Variants in HAPLN3 observed in about 807,000 individuals in gnomAD.
The protein encoded by HAPLN3 is hyaluronan and proteoglycan link protein 3.
A neutral mutation model predicts 28.1 loss-of-function variants in HAPLN3; 28 were observed. That is an observed-to-expected ratio of 1.00 (90% CI 0.74 to 1.37). HAPLN3 has a LOEUF of 1.37. Among genes scored for constraint, HAPLN3 ranks in the 40% most tolerant of loss-of-function variants. HAPLN3 has a pLI of 0.00. For synonymous variants in HAPLN3, 211 were observed against 213.1 expected (o/e 0.99, Z 0.09); for missense variants, 513 against 504.6 (o/e 1.02, Z -0.16).
At chr15:88,884,331 A>G (rs1897788015) in intron 2 of HAPLN3, among the ~76,000 whole-genome samples, 1 of 152,142 alleles carries the variant, frequency 6.6e-6, no homozygotes, top group South Asian at 2.1e-4. Flanking sequence ...TTGGGAGGCC[A>G]AGGCGGGCGG....
Position 88,887,209 on chromosome 15 carries a change from G to C in HAPLN3, c.90C>G (p.Ala30=). The part of the protein sequence containing the change: ...FYNGFYYSNS[A]NDQNLGNGHG... ...GACCGTTGCCTAGGTTCTGGTCGTT[G>C]GCGCTGTTGGAGTAGTAGAAGCCGT... Residue 30 remains alanine (A), a synonymous_variant, in exon 2 of 5, where the codon GCC becomes GCG. Transcript: ENST00000359595. 6.2e-7 allele frequency: 1 copy of C among 1,614,164 alleles called. No individual in the cohort carries two copies. Among genetic ancestry groups the C allele is most frequent in the Non-Finnish European group, 8.5e-7 (1 of 1,180,032 alleles).
chr15:88,883,259 G>C (rs1897756036), intron 2 of HAPLN3, among the ~76,000 whole-genome samples: 1 of 152,220 alleles, frequency 6.6e-6, no homozygotes, highest in Non-Finnish European at 1.5e-5. Context: ...TGGGAATGGG[G>C]TCCAGCCTCC....
chr15:88,884,969 G>C (rs571482831), intron 2 of HAPLN3, among the ~76,000 whole-genome samples: 2 of 152,218 alleles, frequency 1.3e-5, no homozygotes, highest in Non-Finnish European at 2.9e-5. Flanking sequence ...CTCGATTTCT[G>C]CACAGTGAAA....
intron 2 of HAPLN3, among the ~76,000 whole-genome samples, chr15:88,882,520 T>C (rs1334260059): frequency 6.6e-6 from 1 of 152,172 alleles, no homozygotes; most frequent in Non-Finnish European, 1.5e-5. Flanking sequence ...CCTACTGAGC[T>C]AAGGGCAGAA....
At position 88,881,582 on chromosome 15, in the gene HAPLN3, T is replaced by C. The variant is rs1567201257; in HGVS notation, c.268A>G (p.Lys90Glu). The change falls in exon 3 of 5, where the codon AAG becomes GAG. Residue 90 changes from lysine (K) to glutamate (E), a missense_variant. By Grantham distance (56) the Lys-to-Glu change is moderately conservative. Coordinates refer to ENST00000359595, the MANE Select transcript of HAPLN3 (RefSeq NM_178232.4). This position sits in a 1 kb window ranked among gnomAD's most constrained non-coding sequence, Gnocchi z 6.0. The part of the protein sequence containing the change: ...SPRRVRVKWW[K>E]LSENGAPEKD... ...TCTGGGGCCCCGTTCTCCGACAGCT[T>C]CCACCATTTGACACGCACACGCCGC... The C allele has an allele frequency of 6.2e-7, 1 of 1,614,002 alleles. No individual in the cohort carries two copies. Among genetic ancestry groups the C allele is most frequent in the Non-Finnish European group, 8.5e-7 (1 of 1,180,036 alleles).
chr15:88,880,228 C>T lies in HAPLN3; in HGVS notation c.494-959G>A, dbSNP rs141138126. 177 of 999,758 alleles carry T rather than the reference C, an allele frequency of 1.8e-4. 2 individuals carry two copies. In the African/African-American group the frequency reaches 2.9e-3, roughly 17 times the overall value. 61.9% of individuals were successfully genotyped at this position (999,758 alleles called of 1,614,324 possible). ...TGAAGCCCCGGGAATGGGGTGAGGG[C>T]TCCCTGTTTCTCTAGGCTGCCCCTG... On this transcript the variant is annotated intron_variant, in intron 3 of 4. Transcript: ENST00000359595. The surrounding 1 kb of genome is among the most constrained non-coding windows in gnomAD (Gnocchi z 6.0).
At position 88,877,917 on chromosome 15, in the gene HAPLN3, A is replaced by G; in HGVS notation, c.*53T>C. 1 of 1,504,236 alleles carries G rather than the reference A, an allele frequency of 6.6e-7. No individual in the cohort carries two copies. The highest frequency in any genetic ancestry group is 2.3e-5 in the East Asian group (1 of 43,796). The allele number at this position is 1,504,236 out of a possible 1,614,324, so 93.2% of individuals were successfully genotyped here. On this transcript the variant is annotated 3_prime_UTR_variant, in exon 5 of 5. Transcript: ENST00000359595. This position sits in a 1 kb window ranked among gnomAD's most constrained non-coding sequence, Gnocchi z 5.1. Reference sequence around the variant, plus strand: ...TCCAACCCACAAGGGAAAACGAACCACTCAATAAATACACAGCCAGTGAGG... The same window carrying G: ...TCCAACCCACAAGGGAAAACGAACCGCTCAATAAATACACAGCCAGTGAGG...
chr15:88,889,021 A>G (rs373116013), intron 1 of HAPLN3, among the ~76,000 whole-genome samples: 9 of 152,166 alleles, frequency 5.9e-5, no homozygotes, highest in African/African-American at 2.2e-4. Context: ...GATTGAGCCA[A>G]TGGGAGGCAC....
At chr15:88,885,777 G>C (rs1030153850) in intron 2 of HAPLN3, among the ~76,000 whole-genome samples, 1 of 151,912 alleles carries the variant, frequency 6.6e-6, no homozygotes, top group Non-Finnish European at 1.5e-5. Flanking sequence ...CTTTAGTAGA[G>C]GGTTTCGGTA....
chr15:88,883,614 G>T (rs762910148), intron 2 of HAPLN3, among the ~76,000 whole-genome samples: 5 of 152,210 alleles, frequency 3.3e-5, no homozygotes, highest in Non-Finnish European at 5.9e-5. Context: ...AAATGAAAAT[G>T]TACATCCATA....
intron 1 of HAPLN3, among the ~76,000 whole-genome samples, chr15:88,894,761 G>T (rs1031756026): frequency 1.3e-5 from 2 of 152,184 alleles, no homozygotes; most frequent in Admixed American, 6.5e-5. Flanking sequence ...GCAGGACTGG[G>T]TCCAAGTGCC....
Position 88,879,655 on chromosome 15 carries a change from C to A in HAPLN3, c.494-386G>T. ...CAGCTCCCCACTCGTTAGCTGGGACCCGATCGTCTACGTTATTATGAATGT... is the reference window on the plus strand; with the variant it reads ...CAGCTCCCCACTCGTTAGCTGGGACACGATCGTCTACGTTATTATGAATGT... On this transcript the variant is annotated intron_variant, in intron 3 of 4. Transcript: ENST00000359595. The surrounding 1 kb of genome is among the most constrained non-coding windows in gnomAD (Gnocchi z 5.0). 1.6e-6 allele frequency: 2 copies of A among 1,219,560 alleles called. No individual in the cohort carries two copies. The highest frequency in any genetic ancestry group is 1.0e-6 in the Non-Finnish European group (1 of 960,586). 75.5% of individuals were successfully genotyped at this position (1,219,560 alleles called of 1,614,324 possible). A position where few individuals can be genotyped will look rare whatever the true frequency, so the allele number is the denominator to read the frequency against.
chr15:88,886,910 C>T (rs1897872806), intron 2 of HAPLN3, among the ~76,000 whole-genome samples: 1 of 152,218 alleles, frequency 6.6e-6, no homozygotes, highest in South Asian at 2.1e-4. Context: ...AGGACACATT[C>T]AAGCTGGACC....
At position 88,884,392 on chromosome 15, in the gene HAPLN3, A is replaced by G. The variant is rs893005664; in HGVS notation, c.125-2667T>C. Among the ~76,000 whole-genome samples, 5 of 152,212 alleles carry G rather than the reference A, an allele frequency of 3.3e-5. No individual in the cohort carries two copies. In the East Asian group the frequency reaches 5.8e-4, roughly 18 times the overall value. ...ATCCTGGCTAACACGGTGAAACCCCATCTCCACTAAAAATACAAAAAATTA... is the reference window on the plus strand; with the variant it reads ...ATCCTGGCTAACACGGTGAAACCCCGTCTCCACTAAAAATACAAAAAATTA... On this transcript the variant is annotated intron_variant, in intron 2 of 4. Coordinates refer to ENST00000359595, the MANE Select transcript of HAPLN3 (RefSeq NM_178232.4).
chr15:88,889,930 G>A (rs1450597657), intron 1 of HAPLN3, among the ~76,000 whole-genome samples: 3 of 137,424 alleles, frequency 2.2e-5, no homozygotes, highest in African/African-American at 8.1e-5. Flanking sequence ...AGAAGATGAG[G>A]AAACACTTAA....
Position 88,880,519 on chromosome 15 carries a change from G to T in HAPLN3, c.493+838C>A. ...GGCATTTACCCACATGTCATAGCTG[G>T]GACGGGCTGGGGCTAAAGTCAGGTC... On this transcript the variant is annotated intron_variant, in intron 3 of 4. Coordinates refer to ENST00000359595, the MANE Select transcript of HAPLN3 (RefSeq NM_178232.4). This position sits in a 1 kb window ranked among gnomAD's most constrained non-coding sequence, Gnocchi z 6.0. 7.8e-7 allele frequency: 1 copy of T among 1,278,606 alleles called. No homozygotes were observed. Among genetic ancestry groups the T allele is most frequent in the Non-Finnish European group, 1.0e-6 (1 of 979,516 alleles). 79.2% of individuals were successfully genotyped at this position (1,278,606 alleles called of 1,614,324 possible). A position where few individuals can be genotyped will look rare whatever the true frequency, so the allele number is the denominator to read the frequency against.
At position 88,877,819 on chromosome 15, in the gene HAPLN3, T is replaced by C. The variant is rs1897568679; in HGVS notation, c.*151A>G. On this transcript the variant is annotated 3_prime_UTR_variant, in exon 5 of 5. Transcript: ENST00000359595. The surrounding 1 kb of genome is among the most constrained non-coding windows in gnomAD (Gnocchi z 5.1). ...GCAAAGGGAGGCATTGGGTTCTGTT[T>C]GCTTTACAAAAAATAGTAAAAAAAT... 1.3e-6 allele frequency: 1 copy of C among 793,056 alleles called. No individual in the cohort carries two copies. Among genetic ancestry groups the C allele is most frequent in the African/African-American group, 1.7e-5 (1 of 57,312 alleles). 49.1% of individuals were successfully genotyped at this position (793,056 alleles called of 1,614,324 possible). A position where few individuals can be genotyped will look rare whatever the true frequency, so the allele number is the denominator to read the frequency against.
In HAPLN3 at chr15:88,881,739, C is replaced by T. The variant is rs184578202; in HGVS notation, c.125-14G>A. 39 of 1,600,956 alleles carry T rather than the reference C, an allele frequency of 2.4e-5. No individual in the cohort carries two copies. Among genetic ancestry groups the T allele is most frequent in the Middle Eastern group, 3.5e-4 (2 of 5,750 alleles). Reference sequence around the variant, plus strand: ...CATTAAGGAGGTCTTGGGGGAGAGACAGGGTGCAGATGAGACCTGCTGAAG... The same window carrying T: ...CATTAAGGAGGTCTTGGGGGAGAGATAGGGTGCAGATGAGACCTGCTGAAG... On this transcript the variant is annotated splice_polypyrimidine_tract_variant and intron_variant, in intron 2 of 4. Transcript: ENST00000359595. The surrounding 1 kb of genome is among the most constrained non-coding windows in gnomAD (Gnocchi z 6.0).
Position 88,880,030 on chromosome 15 carries a change from G to C in HAPLN3, c.494-761C>G. 2.0e-6 allele frequency: 2 copies of C among 993,844 alleles called. No homozygotes were observed. The highest frequency in any genetic ancestry group is 2.4e-6 in the Non-Finnish European group (2 of 835,178). The allele number at this position is 993,844 out of a possible 1,614,324, so 61.6% of individuals were successfully genotyped here. A position where few individuals can be genotyped will look rare whatever the true frequency, so the allele number is the denominator to read the frequency against. On this transcript the variant is annotated intron_variant, in intron 3 of 4. Coordinates refer to ENST00000359595, the MANE Select transcript of HAPLN3 (RefSeq NM_178232.4). This position sits in a 1 kb window ranked among gnomAD's most constrained non-coding sequence, Gnocchi z 6.0. ...CTCCTCCGTGTGGCCAAGGACCCAG[G>C]AACAGCCTGAGCCCCAAACCTCCGA...
Sources: allele counts gnomAD v4.1 joint callset (sites outside exome capture counted in the v4.1 genomes callset), GRCh38; gene constraint gnomAD v4.1.1; non-coding constraint Gnocchi (gnomAD v3.1); transcripts MANE v1.5; gene names NCBI Gene and HGNC (gene_info 2026-07-23, HGNC 2026-07-21).